TARS3: variants seen among roughly 807,000 people sequenced by gnomAD.
TARS3 encodes the protein threonine--tRNA ligase 2, cytoplasmic.
A neutral mutation model predicts 103.5 loss-of-function variants in TARS3; 94 were observed. The observed-to-expected ratio is 0.91, with a 90% CI of 0.77 to 1.08. The LOEUF is 1.08. Among genes scored for constraint, TARS3 ranks in the 50% least tolerant of loss-of-function variants. The probability of loss-of-function intolerance (pLI) is 0.00; values close to 1 mark genes in which losing one functional copy is unlikely to be tolerated. For missense variants in TARS3, 952 were observed against 995.2 expected, an observed-to-expected ratio of 0.96 and a Z score of 0.58; for synonymous variants, 416 against 355.4, an observed-to-expected ratio of 1.17 and a Z score of -1.92.
At chr15:101,691,092 C>A (rs1898697092) in intron 10 of TARS3, among the ~76,000 whole-genome samples, 1 of 151,770 alleles carries the variant, frequency 6.6e-6, no homozygotes, top group South Asian at 2.1e-4. Context: ...GCGCCCACCA[C>A]CACGCCTGGC....
intron 18 of TARS3, 102 bp from the exon 19 acceptor site, chr15:101,654,832 A>G: frequency 1.9e-6 from 2 of 1,071,532 alleles, no homozygotes; most frequent in South Asian, 2.9e-5. Flanking sequence ...TTCTTCACTA[A>G]TATTAAATAT....
At position 101,724,350 on chromosome 15, in the gene TARS3, G is replaced by T; in HGVS notation, c.38C>A (p.Ser13Ter). ...AEALAAEAVA[S>*]RLERQEEDIR... ...GTCCTCCTCCTGCCGCTCCAGGCGC[G>T]ACGCCACGGCCTCCGCCGCCAGGGC... is the stretch of plus-strand genomic sequence containing the variant. Residue 13 changes from serine to a stop codon, truncating the protein, a stop_gained, in exon 1 of 19, where the codon TCG becomes TAG. Transcript: ENST00000335968. LOFTEE classifies it high-confidence loss of function. The T allele has an allele frequency of 3.9e-6, 6 of 1,550,984 alleles. No homozygotes were observed. Among genetic ancestry groups the T allele is most frequent in the Non-Finnish European group, 5.2e-6 (6 of 1,155,364 alleles).
intron 15 of TARS3, among the ~76,000 whole-genome samples, chr15:101,663,031 C>T (rs530436349): frequency 2.0e-5 from 3 of 152,230 alleles, no homozygotes; most frequent in South Asian, 2.1e-4. Context: ...AAGTGTGGTA[C>T]GAATCTTCAT....
At position 101,724,277 on chromosome 15, in the gene TARS3, C is replaced by CA. The variant is rs1306228842; in HGVS notation, c.110dup (p.Asn38GlufsTer66). 4.5e-6 allele frequency: 7 copies of CA among 1,572,886 alleles called. No individual in the cohort carries two copies. The highest frequency in any genetic ancestry group is 6.0e-6 in the Non-Finnish European group (7 of 1,165,994). On this transcript the variant is annotated frameshift_variant, in exon 1 of 19. Transcript: ENST00000335968. LOFTEE classifies it high-confidence loss of function. The stretch of plus-strand genomic sequence containing the variant: ...CCGCCTGGCAGCTGTAGGGCGCGTT[C>CA]AGCTGCTCGTCCCTCAGGCGCTCGA...
chr15:101,683,983 T>C (rs1469711699), intron 12 of TARS3, 92 bp downstream of exon 12: 6 of 1,311,934 alleles, frequency 4.6e-6, no homozygotes, highest in Non-Finnish European at 6.2e-6. Flanking sequence ...ACCAAACGTC[T>C]ATGTTTCAGT....
intron 6 of TARS3, 135 bp from the exon 7 acceptor site, chr15:101,705,882 C>A: frequency 1.3e-6 from 1 of 753,602 alleles, no homozygotes; most frequent in South Asian, 1.7e-5. Context: ...ATACAAAGAG[C>A]TCACAGCCTT....
chr15:101,717,261 G>A (rs999069142), intron 3 of TARS3, among the ~76,000 whole-genome samples: 6 of 152,272 alleles, frequency 3.9e-5, no homozygotes, highest in Admixed American at 1.3e-4. Flanking sequence ...TTTAAATACT[G>A]GACAATTTAC....
chr15:101,712,914 T>A (rs913823229), intron 4 of TARS3, among the ~76,000 whole-genome samples: 1 of 152,192 alleles, frequency 6.6e-6, no homozygotes, highest in Non-Finnish European at 1.5e-5. Context: ...GGGATATGAT[T>A]TGCAGACAGA....
Position 101,690,199 on chromosome 15 carries a change from C to T in TARS3, c.1321-4137G>A, listed in dbSNP as rs62027597. Among the ~76,000 whole-genome samples, 4 of 152,200 alleles carry T rather than the reference C, an allele frequency of 2.6e-5. No homozygotes were observed. The South Asian group carries it at 6.2e-4, about 24-fold the overall frequency. ...ATTTTCCATTTGCCACTGCCTGTCT[C>T]GCCTCATCTTGGCCCATTTTCCTTC... On this transcript the variant is annotated intron_variant, in intron 10 of 18. Transcript: ENST00000335968.
At position 101,721,117 on chromosome 15, in the gene TARS3, G is replaced by A; in HGVS notation, c.566+9C>T. 1 of 1,590,564 alleles carries A rather than the reference G, an allele frequency of 6.3e-7. No homozygotes were observed. Among genetic ancestry groups the A allele is most frequent in the South Asian group, 1.1e-5 (1 of 89,880 alleles). On this transcript the variant is annotated intron_variant, in intron 3 of 18. Coordinates refer to ENST00000335968, the MANE Select transcript of TARS3 (RefSeq NM_152334.3). ...TAAGATTGAATATCTTTTCCACACT[G>A]CGGTTTACCTAATTTCAGCAGCCAC...
chr15:101,705,738 A>G lies in TARS3; in HGVS notation c.940T>C (p.Phe314Leu), dbSNP rs2141435873. Residue 314 changes from phenylalanine to leucine, a missense_variant, in exon 7 of 19, where the codon TTT becomes CTT. Phe to Leu is a conservative substitution (Grantham distance 22, BLOSUM62 0). Transcript: ENST00000335968. Reference sequence around the variant, plus strand: ...TTCTCATTCAGAATGCGGCATTTAAATTTATTGTACTACGAAGAAAAACAT... The same window carrying G: ...TTCTCATTCAGAATGCGGCATTTAAGTTTATTGTACTACGAAGAAAAACAT... ...ILLEMFKYNK[F>L]KCRILNEKVN... The G allele has an allele frequency of 6.2e-7, 1 of 1,607,934 alleles. No homozygotes were observed. Among genetic ancestry groups the G allele is most frequent in the Non-Finnish European group, 8.5e-7 (1 of 1,175,988 alleles).
At chr15:101,703,153 A>G (rs1161177950) in intron 8 of TARS3, among the ~76,000 whole-genome samples, 1 of 152,156 alleles carries the variant, frequency 6.6e-6, no homozygotes, top group Non-Finnish European at 1.5e-5. Flanking sequence ...TCCCAGAGCG[A>G]TGTTTTCTCC....
At chr15:101,677,208 G>A (rs1385195789) in intron 12 of TARS3, among the ~76,000 whole-genome samples, 1 of 152,198 alleles carries the variant, frequency 6.6e-6, no homozygotes, top group Non-Finnish European at 1.5e-5. Flanking sequence ...TGCGTTTCTC[G>A]AAGAGATGAG....
chr15:101,657,105 C>T (rs1897221231), intron 17 of TARS3, 69 bp from the exon 18 acceptor site: 3 of 1,027,826 alleles, frequency 2.9e-6, no homozygotes, highest in Admixed American at 1.9e-5. Flanking sequence ...CCCGTTGTTC[C>T]CCACTCTTGG....
intron 16 of TARS3, among the ~76,000 whole-genome samples, chr15:101,658,295 C>T (rs1250714725): frequency 3.3e-5 from 4 of 121,874 alleles, no homozygotes; most frequent in South Asian, 5.2e-4. Flanking sequence ...CACTGTGGAA[C>T]GTGGAACACC....
At chr15:101,655,932 A>G (rs1897184467) in intron 18 of TARS3, 1 of 1,289,120 alleles carries the variant, frequency 7.8e-7, no homozygotes, top group Non-Finnish European at 1.0e-6. Context: ...AATGTGGGTA[A>G]AAAGTTTGTT....
chr15:101,699,680 T>C (rs749725201), intron 10 of TARS3, among the ~76,000 whole-genome samples: 6 of 152,142 alleles, frequency 3.9e-5, no homozygotes, highest in Non-Finnish European at 1.5e-5. Flanking sequence ...TTGCCTCGCA[T>C]TGGCCAGTCC....
chr15:101,654,712 T>G lies in TARS3; in HGVS notation c.2279A>C (p.Lys760Thr). 4.3e-6 allele frequency: 7 copies of G among 1,613,626 alleles called. No homozygotes were observed. The highest frequency in any genetic ancestry group is 5.9e-6 in the Non-Finnish European group (7 of 1,179,868). Reference sequence around the variant, plus strand: ...TCGCACGTTTACAGCATTATCTATCTTTTCCTTTTCTCCAACCACTGCAGA... The same window carrying G: ...TCGCACGTTTACAGCATTATCTATCGTTTCCTTTTCTCCAACCACTGCAGA... ...NFILVVGEKE[K>T]IDNAVNVRTR... Residue 760 changes from lysine to threonine, a missense_variant, in exon 19 of 19, where the codon AAG (lysine) becomes ACG (threonine). By Grantham distance (78) the Lys-to-Thr change is moderately conservative (BLOSUM62 -1). Coordinates refer to ENST00000335968, the MANE Select transcript of TARS3 (RefSeq NM_152334.3).
chr15:101,669,204 A>C (rs2141388756), intron 15 of TARS3, among the ~76,000 whole-genome samples: 1 of 152,352 alleles, frequency 6.6e-6, no homozygotes, highest in Non-Finnish European at 1.5e-5. Flanking sequence ...TTTGTGTCTT[A>C]GTTTTTAACA....
Sources: allele counts gnomAD v4.1 joint callset (sites outside exome capture counted in the v4.1 genomes callset), GRCh38; gene constraint gnomAD v4.1.1; transcripts MANE v1.5; gene names NCBI Gene and HGNC (gene_info 2026-07-23, HGNC 2026-07-21).